The following IQCK variants were observed in gnomAD, a reference collection of about 807,000 sequenced individuals.
IQCK encodes IQ motif containing K.
IQCK carries 29 observed loss-of-function variants against 28.1 expected under a neutral mutation model. The ratio of observed to expected loss-of-function variants is 1.03; its 90% CI spans 0.77 to 1.41. IQCK has a LOEUF of 1.41. Among genes scored for constraint, IQCK ranks in the 40% most tolerant of loss-of-function variants. The pLI, the probability that IQCK is intolerant of heterozygous loss-of-function variation, is 0.00. For synonymous variants in IQCK, 113 were observed against 115.1 expected, an observed-to-expected ratio of 0.98 and a Z score of 0.12; for missense variants, 359 against 314.7, an observed-to-expected ratio of 1.14 and a Z score of -1.07.
intron 9 of IQCK, among the ~76,000 whole-genome samples, chr16:19,839,187 G>T (rs1295556427): frequency 2.6e-5 from 4 of 151,314 alleles, no homozygotes; most frequent in Non-Finnish European, 5.9e-5. Context: ...TGGAGATAGG[G>T]TCTCACTCTG....
At chr16:19,719,213 G>A (rs367649858) in intron 1 of IQCK, among the ~76,000 whole-genome samples, 6 of 152,162 alleles carry the variant, frequency 3.9e-5, no homozygotes, top group African/African-American at 1.4e-4. Context: ...AGGGCAAAAG[G>A]ATTATTGGGG....
At chr16:19,767,838 C>A (rs2151715080) in intron 6 of IQCK, among the ~76,000 whole-genome samples, 1 of 152,060 alleles carries the variant, frequency 6.6e-6, no homozygotes, top group East Asian at 1.9e-4. Context: ...ATCAGTGGTA[C>A]CACTGCACGC....
At chr16:19,752,350 TTACTG>T (rs923418010) in intron 4 of IQCK, among the ~76,000 whole-genome samples, 5 of 152,240 alleles carry the variant, frequency 3.3e-5, no homozygotes, top group Non-Finnish European at 7.3e-5. Context: ...TTAATCATTT[TTACTG>T]TAAGCATTTT....
chr16:19,759,679 T>A (rs1183273107), intron 4 of IQCK, among the ~76,000 whole-genome samples: 1 of 152,186 alleles, frequency 6.6e-6, no homozygotes, highest in East Asian at 1.9e-4. Flanking sequence ...GAGCCCACCC[T>A]AAACTGAAGA....
At chr16:19,785,036 T>C (rs1027858069) in intron 6 of IQCK, among the ~76,000 whole-genome samples, 2 of 152,182 alleles carry the variant, frequency 1.3e-5, no homozygotes, top group African/African-American at 4.8e-5. Flanking sequence ...TCCAAAGTGC[T>C]GGGATTACAG....
chr16:19,732,551 C>G (rs540459866), intron 2 of IQCK, among the ~76,000 whole-genome samples: 3 of 152,292 alleles, frequency 2.0e-5, no homozygotes, highest in African/African-American at 7.2e-5. Flanking sequence ...TACTTCACTT[C>G]CCAAGCTCAA....
chr16:19,825,498 C>A lies in IQCK; in HGVS notation c.691-1528C>A. ...TTGCACCATTGCACTCCAGCCTGGG[C>A]AGCAAGAACGAAACTCCATCTCAAA... is the stretch of plus-strand genomic sequence containing the variant. On this transcript the variant is annotated intron_variant, in intron 7 of 7. Transcript: ENST00000564186. This position sits in a 1 kb window ranked among gnomAD's most constrained non-coding sequence, Gnocchi z 4.2. Among the ~76,000 whole-genome samples the A allele has an allele frequency of 6.7e-6, 1 of 150,314 alleles. No individual in the cohort carries two copies. The highest frequency in any genetic ancestry group is 2.5e-5 in the African/African-American group (1 of 40,708).
At chr16:19,829,359 CAG>C (rs1460149231), downstream of IQCK, among the ~76,000 whole-genome samples, 3 of 149,262 alleles carry the variant, frequency 2.0e-5, no homozygotes, top group Non-Finnish European at 3.0e-5. Flanking sequence ...TTTTCTGAGA[CAG>C]AGTCTCGCTC....
At chr16:19,723,831 G>A (rs1329610512) in intron 1 of IQCK, among the ~76,000 whole-genome samples, 1 of 152,060 alleles carries the variant, frequency 6.6e-6, no homozygotes, top group Non-Finnish European at 1.5e-5. Flanking sequence ...ATGGCAGTGT[G>A]CACCTGTAGT....
chr16:19,731,475 G>A (rs1977835324), intron 2 of IQCK, among the ~76,000 whole-genome samples: 1 of 152,172 alleles, frequency 6.6e-6, no homozygotes, highest in Admixed American at 6.5e-5. Flanking sequence ...CTAGCATCCT[G>A]TTCTTGCTTT....
intron 7 of IQCK, among the ~76,000 whole-genome samples, chr16:19,789,483 T>C (rs997326253): frequency 3.0e-5 from 2 of 67,286 alleles, no homozygotes; most frequent in Non-Finnish European, 4.9e-5. Flanking sequence ...TTAAAAGTAC[T>C]GTCTTAACCT....
At chr16:19,852,674 G>T (rs1046320746) in intron 9 of IQCK, among the ~76,000 whole-genome samples, 1 of 147,760 alleles carries the variant, frequency 6.8e-6, no homozygotes. Context: ...CCAGGCTGGA[G>T]TGCAGTGACG....
chr16:19,806,708 C>T (rs1195336299), intron 7 of IQCK, among the ~76,000 whole-genome samples: 1 of 137,674 alleles, frequency 7.3e-6, no homozygotes, highest in Non-Finnish European at 1.6e-5. Flanking sequence ...CCCACCCCCC[C>T]ACCCCCCAAA....
rs1010193563 is a variant in IQCK at position 19,807,095 on chromosome 16, G to A, written c.690+18173G>A. On this transcript the variant is annotated intron_variant, in intron 7 of 7. Coordinates refer to ENST00000564186, the Ensembl canonical transcript of IQCK. ...TGTGCTCACTTGTTCTCTCCCTCTG[G>A]GATCATTCCCTCTGGAGGATGCCAG... Among the ~76,000 whole-genome samples the A allele has an allele frequency of 2.0e-5, 3 of 152,192 alleles. 1 individual carries two copies. Among genetic ancestry groups the A allele is most frequent in the Admixed American group, 6.5e-5 (1 of 15,278 alleles).
At chr16:19,820,751 G>GA (rs2056061357) in intron 7 of IQCK, among the ~76,000 whole-genome samples, 1 of 151,924 alleles carries the variant, frequency 6.6e-6, no homozygotes, top group Non-Finnish European at 1.5e-5. Context: ...CAGAATGGGA[G>GA]AAAATACTAG....
rs1298694717 is a variant in IQCK at position 19,736,189 on chromosome 16, C to T, written c.474+739C>T. 4 of 455,850 alleles carry T rather than the reference C, an allele frequency of 8.8e-6. No homozygotes were observed. The East Asian group carries it at 2.8e-4, about 32-fold the overall frequency. The allele number at this position is 455,850 out of a possible 1,614,324, so 28.2% of individuals were successfully genotyped here. A position where few individuals can be genotyped will look rare whatever the true frequency, so the allele number is the denominator to read the frequency against. ...AAACTGCTCGCAGAGAGTCTTGGAA[C>T]ACAGTAAGTGCTCAGTAAATAACAT... On this transcript the variant is annotated intron_variant, in intron 4 of 7. Transcript: ENST00000564186.
chr16:19,753,860 G>A (rs1567543553), intron 4 of IQCK, among the ~76,000 whole-genome samples: 1 of 151,816 alleles, frequency 6.6e-6, no homozygotes, highest in Admixed American at 6.6e-5. Context: ...TGCGACCACT[G>A]CCTCGGCTTT....
rs1465263039 is a variant in IQCK at position 19,825,622 on chromosome 16, G to A, written c.691-1404G>A. The stretch of plus-strand genomic sequence containing the variant: ...GCTTGAGCCCAGGAGTTTGAGACCA[G>A]CCTGGGCAACATGGCAAGACTCTTT... On this transcript the variant is annotated intron_variant, in intron 7 of 7. Coordinates refer to ENST00000564186, the Ensembl canonical transcript of IQCK. The surrounding 1 kb of genome is among the most constrained non-coding windows in gnomAD (Gnocchi z 4.2). 1.3e-5 allele frequency among the ~76,000 whole-genome samples: 2 copies of A among 152,068 alleles called. No homozygotes were observed. The highest frequency in any genetic ancestry group is 1.3e-4 in the Admixed American group (2 of 15,252).
chr16:19,729,678 T>C (rs1977768178), intron 1 of IQCK, among the ~76,000 whole-genome samples: 1 of 151,922 alleles, frequency 6.6e-6, no homozygotes, highest in Non-Finnish European at 1.5e-5. Context: ...GGAGTCTCGC[T>C]CTGTCGCCCA....
Sources: gnomAD v4.1 joint callset for allele counts (sites outside exome capture counted in the v4.1 genomes callset) on GRCh38, gnomAD v4.1.1 for gene constraint, Gnocchi (gnomAD v3.1) non-coding constraint, MANE v1.5 for transcripts, NCBI Gene and HGNC (gene_info 2026-07-23, HGNC 2026-07-21) for gene names.